Variants in WDFY1 observed in about 807,000 individuals in gnomAD.
WDFY1 encodes WD repeat and FYVE domain-containing protein 1.
A neutral mutation model predicts 56.4 loss-of-function variants in WDFY1; 32 were observed. That is an observed-to-expected ratio of 0.57 (90% CI 0.43 to 0.76). WDFY1 has a LOEUF of 0.76. Among genes scored for constraint, WDFY1 ranks in the 30% least tolerant of loss-of-function variants. The pLI, the probability that WDFY1 is intolerant of heterozygous loss-of-function variation, is 0.00. For synonymous variants in WDFY1, 192 were observed against 197.3 expected (o/e 0.97, Z 0.23); for missense variants, 480 against 545.7 (o/e 0.88, Z 1.20).
chr2:223,896,024 C>T (rs1018178120), intron 6 of WDFY1, among the ~76,000 whole-genome samples: 1 of 151,570 alleles, frequency 6.6e-6, no homozygotes, highest in Non-Finnish European at 1.5e-5. Context: ...GGCATGGTGG[C>T]AGGCGCCTGT....
At chr2:223,933,505 G>C (rs1694116052) in intron 1 of WDFY1, among the ~76,000 whole-genome samples, 1 of 152,028 alleles carries the variant, frequency 6.6e-6, no homozygotes, top group Non-Finnish European at 1.5e-5. Context: ...GTCCATGGAG[G>C]ATCTAGGCAA....
At chr2:223,924,516 A>G (rs1693947757) in intron 1 of WDFY1, among the ~76,000 whole-genome samples, 1 of 152,102 alleles carries the variant, frequency 6.6e-6, no homozygotes, top group African/African-American at 2.4e-5. Flanking sequence ...GGCATGTGTC[A>G]CCATGCCTGG....
At chr2:223,945,102 C>T in intron 1 of WDFY1, 46 bp downstream of exon 1, 1 of 1,541,724 alleles carries the variant, frequency 6.5e-7, no homozygotes, top group Non-Finnish European at 8.7e-7. Flanking sequence ...CCCCCACACC[C>T]CGTCGTCGCG....
In WDFY1 at chr2:223,942,178, C is replaced by T. The variant is rs539191678; in HGVS notation, c.137+2970G>A. Among the ~76,000 whole-genome samples, 11 of 152,228 alleles carry T rather than the reference C, an allele frequency of 7.2e-5. No homozygotes were observed. The South Asian group carries it at 8.3e-4, about 11-fold the overall frequency. ...CAAATATTTAGCAACTTACCCAAAA[C>T]GCATGATTCATGAATAAAATATTTG... On this transcript the variant is annotated intron_variant, in intron 1 of 11. Coordinates refer to ENST00000233055, the MANE Select transcript of WDFY1 (RefSeq NM_020830.5).
At chr2:223,917,326 A>G (rs1314860551) in intron 2 of WDFY1, among the ~76,000 whole-genome samples, 1 of 152,086 alleles carries the variant, frequency 6.6e-6, no homozygotes, top group Non-Finnish European at 1.5e-5. Context: ...ATCGGCTACC[A>G]TAAAGGACAA....
chr2:223,885,695 G>T (rs1693161941), intron 8 of WDFY1, among the ~76,000 whole-genome samples: 1 of 152,172 alleles, frequency 6.6e-6, no homozygotes, highest in Admixed American at 6.5e-5. Context: ...GCAGAATCTG[G>T]TGACCTACCA....
chr2:223,904,251 T>G (rs943279081), intron 4 of WDFY1, among the ~76,000 whole-genome samples: 2 of 152,118 alleles, frequency 1.3e-5, no homozygotes, highest in Non-Finnish European at 2.9e-5. Context: ...TCTCCTATTT[T>G]ATTTATTGAT....
intron 2 of WDFY1, among the ~76,000 whole-genome samples, chr2:223,914,406 T>C (rs538632552): frequency 9.9e-5 from 15 of 152,248 alleles, no homozygotes; most frequent in Non-Finnish European, 1.9e-4. Context: ...TGTTAATAAA[T>C]AGTTTTTTTT....
At chr2:223,893,701 G>A (rs769617982) in intron 8 of WDFY1, among the ~76,000 whole-genome samples, 6 of 152,182 alleles carry the variant, frequency 3.9e-5, no homozygotes. Flanking sequence ...CTAGTTAGTG[G>A]CCGAACCAAG....
intron 7 of WDFY1, 77 bp downstream of exon 7, chr2:223,895,427 G>C (rs1693347986): frequency 6.2e-7 from 1 of 1,602,904 alleles, no homozygotes; most frequent in Non-Finnish European, 8.5e-7. Context: ...GCAGAAAGTG[G>C]TATCAGACTA....
intron 7 of WDFY1, 56 bp downstream of exon 7, chr2:223,895,448 T>A (rs1216404480): frequency 1.2e-6 from 2 of 1,612,414 alleles, no homozygotes; most frequent in Non-Finnish European, 1.7e-6. Context: ...TTAATGCCTT[T>A]CACTAGCTCC....
intron 1 of WDFY1, among the ~76,000 whole-genome samples, chr2:223,933,460 T>G (rs185942080): frequency 6.6e-6 from 1 of 151,976 alleles, no homozygotes; most frequent in African/African-American, 2.4e-5. Context: ...ACCACTCTAA[T>G]CACTGAAGAG....
intron 1 of WDFY1, among the ~76,000 whole-genome samples, chr2:223,942,339 C>T (rs1689319356): frequency 6.6e-6 from 1 of 151,626 alleles, no homozygotes; most frequent in South Asian, 2.1e-4. Flanking sequence ...CCTGCCTCAG[C>T]TTCCCGAGTA....
At chr2:223,926,525 CA>C (rs61239560) in intron 1 of WDFY1, among the ~76,000 whole-genome samples, 3,580 of 152,260 alleles carry the variant, frequency 0.024, 120 homozygotes, top group African/African-American at 0.081. Flanking sequence ...GCATGAAAAA[CA>C]ACATTAATCT....
At chr2:223,911,604 ACACACACACAC>A (rs1306579864) in intron 3 of WDFY1, among the ~76,000 whole-genome samples, 3 of 149,964 alleles carry the variant, frequency 2.0e-5, no homozygotes, top group African/African-American at 7.5e-5. Flanking sequence ...ACACACACAC[ACACACACACAC>A]AGAGTGACAG....
chr2:223,884,906 A>G (rs1693146688), intron 8 of WDFY1, among the ~76,000 whole-genome samples, 157 bp from the exon 9 acceptor site: 1 of 134,164 alleles, frequency 7.5e-6, no homozygotes, highest in Non-Finnish European at 1.5e-5. Flanking sequence ...AGTATGTGTG[A>G]TCTTGGCTCA....
chr2:223,905,497 C>A (rs1316004447), intron 4 of WDFY1, among the ~76,000 whole-genome samples: 1 of 151,782 alleles, frequency 6.6e-6, no homozygotes, highest in African/African-American at 2.4e-5. Flanking sequence ...TCCATTTAAA[C>A]AAAACAAAAT....
chr2:223,928,014 G>T (rs1257796437), intron 1 of WDFY1, among the ~76,000 whole-genome samples: 1 of 152,128 alleles, frequency 6.6e-6, no homozygotes, highest in African/African-American at 2.4e-5. Context: ...GGAGTATTCA[G>T]ATCACACACA....
chr2:223,915,609 G>A (rs1283811509), intron 2 of WDFY1, among the ~76,000 whole-genome samples: 1 of 152,232 alleles, frequency 6.6e-6, no homozygotes, highest in Non-Finnish European at 1.5e-5. Flanking sequence ...TAATGATGGA[G>A]GAAGGGAAGA....
Sources: gnomAD v4.1 joint callset for allele counts (sites outside exome capture counted in the v4.1 genomes callset) on GRCh38, gnomAD v4.1.1 for gene constraint, MANE v1.5 for transcripts, NCBI Gene and HGNC (gene_info 2026-07-23, HGNC 2026-07-21) for gene names.